PAN3: variants seen among roughly 807,000 people sequenced by gnomAD.
The protein encoded by PAN3 is PAN2-PAN3 deadenylation complex subunit PAN3.
In PAN3, 19 loss-of-function variants were observed where a neutral mutation model predicts 96.2. The observed-to-expected ratio is 0.20, with a 90% CI of 0.14 to 0.29. PAN3 has a LOEUF of 0.29. Among genes scored for constraint, PAN3 ranks in the 10% least tolerant of loss-of-function variants. PAN3 has a pLI of 1.00. For missense variants in PAN3, 882 were observed against 1,108.1 expected (o/e 0.80, Z 2.90); for synonymous variants, 433 against 406.6 (o/e 1.06, Z -0.78).
intron 15 of PAN3, 137 bp from the exon 16 acceptor site, chr13:28,280,275 C>A: frequency 9.7e-7 from 1 of 1,029,924 alleles, no homozygotes; most frequent in Non-Finnish European, 1.4e-6. Flanking sequence ...TAAGAATGAA[C>A]TTGACTTGCA....
Position 28,267,396 on chromosome 13 carries a change from A to T in PAN3, c.1787A>T (p.Lys596Met), listed in dbSNP as rs1339895050. 6.2e-7 allele frequency: 1 copy of T among 1,612,194 alleles called. No homozygotes were observed. The highest frequency in any genetic ancestry group is 8.5e-7 in the Non-Finnish European group (1 of 1,178,392). ...GCTGATGCCTACTTCACCAAGAGAA[A>T]GTGGGGTAAGAAAAAGATGCAGGCA... ...PNADAYFTKR[K>M]WGQHEGPLPR... The change falls in exon 12 of 19, where the codon AAG (lysine) becomes ATG (methionine). Residue 596 changes from lysine (K) to methionine (M), a missense_variant. Lys to Met is a moderately conservative substitution (Grantham distance 95, BLOSUM62 -1). Transcript: ENST00000380958.
chr13:28,179,645 A>G (rs1220444821), intron 4 of PAN3, among the ~76,000 whole-genome samples: 1 of 151,834 alleles, frequency 6.6e-6, no homozygotes, highest in Non-Finnish European at 1.5e-5. Flanking sequence ...TTGAGGCTGC[A>G]GTGAGCCAAG....
chr13:28,175,016 G>A (rs1284205235), intron 2 of PAN3, among the ~76,000 whole-genome samples: 1 of 151,876 alleles, frequency 6.6e-6, no homozygotes, highest in African/African-American at 2.4e-5. Context: ...ATGACTGCAT[G>A]CAATGCTTAG....
intron 16 of PAN3, 74 bp downstream of exon 16, chr13:28,280,615 G>A (rs2138718559): frequency 1.5e-6 from 2 of 1,321,164 alleles, no homozygotes; most frequent in East Asian, 2.6e-5. Flanking sequence ...AGGCTGGAGT[G>A]CAGTGGTGCT....
rs920403453 is a variant in PAN3 at position 28,168,152 on chromosome 13, A to G, written c.431-6120A>G. On this transcript the variant is annotated intron_variant, in intron 1 of 18. Coordinates refer to ENST00000380958, the MANE Select transcript of PAN3 (RefSeq NM_175854.8). ...TTGAGACCATAGCACACAGAGATGT[A>G]ATAGTTCTACAGGTTGAGTATACCT... Among the ~76,000 whole-genome samples the G allele has an allele frequency of 6.6e-5, 10 of 152,220 alleles. No homozygotes were observed. In the East Asian group the frequency reaches 1.7e-3, roughly 26 times the overall value.
At chr13:28,217,038 CG>C (rs1283653517) in intron 5 of PAN3, among the ~76,000 whole-genome samples, 1 of 150,444 alleles carries the variant, frequency 6.6e-6, no homozygotes, top group Non-Finnish European at 1.5e-5. Flanking sequence ...CACTTGAACC[CG>C]GGGGGCAGAA....
At chr13:28,193,974 T>A (rs917531061) in intron 4 of PAN3, among the ~76,000 whole-genome samples, 10 of 151,688 alleles carry the variant, frequency 6.6e-5, no homozygotes, top group Non-Finnish European at 5.9e-5. Context: ...CTGGCCAAAA[T>A]GATGAAACCC....
At chr13:28,226,898 C>T (rs779285742) in intron 6 of PAN3, among the ~76,000 whole-genome samples, 28 of 152,140 alleles carry the variant, frequency 1.8e-4, no homozygotes, top group Non-Finnish European at 3.7e-4. Flanking sequence ...TCAAATCTTT[C>T]CAAGTTATTT....
At chr13:28,281,823 T>C (rs535989601) in intron 17 of PAN3, among the ~76,000 whole-genome samples, 1 of 147,196 alleles carries the variant, frequency 6.8e-6, no homozygotes, top group Non-Finnish European at 1.5e-5. Context: ...CAGGCTGGAG[T>C]GCAGTGGCAC....
intron 6 of PAN3, among the ~76,000 whole-genome samples, chr13:28,230,207 G>C (rs1368816122): frequency 6.6e-6 from 1 of 151,944 alleles, no homozygotes; most frequent in Non-Finnish European, 1.5e-5. Context: ...TGAATAACTA[G>C]AGTTATTGTT....
In PAN3 at chr13:28,295,265, A is replaced by G. The variant is rs1870179868; in HGVS notation, c.*2743A>G. The G allele has an allele frequency of 6.6e-6, 1 of 152,216 alleles. No homozygotes were observed. The highest frequency in any genetic ancestry group is 2.4e-5 in the African/African-American group (1 of 41,462). 9.4% of individuals were successfully genotyped at this position (152,216 alleles called of 1,614,324 possible). Reference sequence around the variant, plus strand: ...CTAATGTCATGACCCAATTTGTGTTATTCATCTTTAATCCTGTTTTCAGTC... The same window carrying G: ...CTAATGTCATGACCCAATTTGTGTTGTTCATCTTTAATCCTGTTTTCAGTC... On this transcript the variant is annotated 3_prime_UTR_variant, in exon 19 of 19. Coordinates refer to ENST00000380958, the MANE Select transcript of PAN3 (RefSeq NM_175854.8).
At chr13:28,213,133 A>G (rs1017218861) in intron 5 of PAN3, among the ~76,000 whole-genome samples, 8 of 152,198 alleles carry the variant, frequency 5.3e-5, no homozygotes, top group African/African-American at 1.4e-4. Flanking sequence ...GGGGGAAGAA[A>G]AAAAACCCAA....
At chr13:28,192,605 C>G (rs1320343424) in intron 4 of PAN3, among the ~76,000 whole-genome samples, 2 of 152,190 alleles carry the variant, frequency 1.3e-5, no homozygotes, top group African/African-American at 4.8e-5. Context: ...TTTGTTTCTG[C>G]TCTATTCATA....
At chr13:28,143,907 TAGCCTTTTCATCCCACAAACCTATACTA>T (rs1003642779) in intron 1 of PAN3, among the ~76,000 whole-genome samples, 1 of 152,216 alleles carries the variant, frequency 6.6e-6, no homozygotes, top group Admixed American at 6.5e-5. Flanking sequence ...AAGCCAAGAC[TAGCCTTTTCATCCCACAAACCTATACTA>T]AGTGACAGAG....
At chr13:28,172,312 C>T (rs981626540) in intron 1 of PAN3, among the ~76,000 whole-genome samples, 4 of 151,906 alleles carry the variant, frequency 2.6e-5, no homozygotes, top group Admixed American at 6.6e-5. Context: ...AAAAATTAGC[C>T]GGGCGTAGTG....
At chr13:28,199,174 A>G (rs550991313) in intron 5 of PAN3, among the ~76,000 whole-genome samples, 28 of 152,308 alleles carry the variant, frequency 1.8e-4, no homozygotes, top group Middle Eastern at 3.4e-3. Flanking sequence ...GTCTGAAGAA[A>G]AAAATTGGAC....
intron 5 of PAN3, 137 bp downstream of exon 5, chr13:28,197,483 A>G: frequency 1.3e-6 from 1 of 778,846 alleles, no homozygotes; most frequent in Non-Finnish European, 1.9e-6. Context: ...TTTTAATCAG[A>G]ATAAAGTTAG....
At chr13:28,214,782 A>G (rs1379392282) in intron 5 of PAN3, 8 of 593,968 alleles carry the variant, frequency 1.3e-5, no homozygotes, top group Non-Finnish European at 2.5e-5. Flanking sequence ...ATGACTTAGC[A>G]TTGATGCCCC....
At chr13:28,195,209 C>A (rs565961690) in intron 4 of PAN3, among the ~76,000 whole-genome samples, 22 of 152,058 alleles carry the variant, frequency 1.4e-4, no homozygotes, top group African/African-American at 5.1e-4. Context: ...TCCAGACCAG[C>A]CTGGGTGACA....
Sources: allele counts gnomAD v4.1 joint callset (sites outside exome capture counted in the v4.1 genomes callset), GRCh38; gene constraint gnomAD v4.1.1; transcripts MANE v1.5; gene names NCBI Gene and HGNC (gene_info 2026-07-23, HGNC 2026-07-21).